COL6A6: variants seen among roughly 807,000 people sequenced by gnomAD.
COL6A6 encodes the protein collagen alpha-6(VI) chain.
Under a neutral mutation model 208.6 loss-of-function variants are expected in COL6A6, and 183 were observed. The ratio of observed to expected loss-of-function variants is 0.88; its 90% CI spans 0.78 to 0.99. COL6A6 has a LOEUF of 0.99. COL6A6 is among the 50% of genes least tolerant of loss of function. The pLI is 0.00. For missense variants in COL6A6, 2,816 were observed against 2,815.2 expected (o/e 1.00, Z -0.01); for synonymous variants, 973 against 1,011.8 (o/e 0.96, Z 0.73).
At chr3:130,667,923 T>C (rs1468577263) in intron 36 of COL6A6, among the ~76,000 whole-genome samples, 1 of 150,750 alleles carries the variant, frequency 6.6e-6, no homozygotes, top group Non-Finnish European at 1.5e-5. Context: ...AGGGCACACA[T>C]GAAAAAGAAA....
At position 130,662,127 on chromosome 3, in the gene COL6A6, A is replaced by C; in HGVS notation, c.6321A>C (p.Arg2107=). The change falls in exon 35 of 37, where the codon CGA becomes CGC. Residue 2107 remains arginine (R), a synonymous_variant. Transcript: ENST00000358511. Reference sequence around the variant, plus strand: ...AAATCTTAAAGAAGGAATCCTTGCGAGCCAAATGTCAGGGATATGCCTTAT... The same window carrying C: ...AAATCTTAAAGAAGGAATCCTTGCGCGCCAAATGTCAGGGATATGCCTTAT... ...DGEILKKESL[R]AKCQGYALFV... 6.2e-7 allele frequency: 1 copy of C among 1,614,026 alleles called. No individual in the cohort carries two copies. Among genetic ancestry groups the C allele is most frequent in the Non-Finnish European group, 8.5e-7 (1 of 1,179,892 alleles).
At chr3:130,581,953 T>C in intron 9 of COL6A6, 37 bp from the exon 10 acceptor site, 1 of 1,587,318 alleles carries the variant, frequency 6.3e-7, no homozygotes, top group Non-Finnish European at 8.6e-7. Context: ...AATGAACCCT[T>C]TTTAATTCAT....
Position 130,621,902 on chromosome 3 carries a change from A to G in COL6A6, c.4878+19A>G, listed in dbSNP as rs752136717. On this transcript the variant is annotated intron_variant, in intron 24 of 36. Transcript: ENST00000358511. ...AAATAAAGTAGGTCACATTCTTTAT[A>G]CTCACCAAAGTTGAGGTTTTCTGCT... 16 of 1,603,150 alleles carry G rather than the reference A, an allele frequency of 1.0e-5. No homozygotes were observed. Among genetic ancestry groups the G allele is most frequent in the Non-Finnish European group, 1.3e-5 (15 of 1,170,188 alleles).
chr3:130,541,716 T>C (rs2062367697), intron 1 of COL6A6, among the ~76,000 whole-genome samples: 1 of 152,192 alleles, frequency 6.6e-6, no homozygotes. Flanking sequence ...TCCCTGTGCT[T>C]TTATCTTCTG....
chr3:130,529,593 C>T (rs950077519), intron 1 of COL6A6, among the ~76,000 whole-genome samples: 5 of 152,180 alleles, frequency 3.3e-5, no homozygotes, highest in African/African-American at 1.2e-4. Context: ...GACATGCTGC[C>T]TCACCTCATT....
At chr3:130,546,302 C>T (rs139146649) in intron 1 of COL6A6, among the ~76,000 whole-genome samples, 1,673 of 151,718 alleles carry the variant, frequency 0.011, 35 homozygotes, top group African/African-American at 0.039. Context: ...ATGAGTGTTA[C>T]AGCTCTTAAG....
intron 8 of COL6A6, among the ~76,000 whole-genome samples, chr3:130,576,631 A>T (rs963622141): frequency 6.6e-6 from 1 of 150,700 alleles, no homozygotes; most frequent in Admixed American, 6.7e-5. Flanking sequence ...AACTCCAAGT[A>T]AGTAATGAGT....
intron 36 of COL6A6, among the ~76,000 whole-genome samples, chr3:130,668,250 G>A (rs971699279): frequency 6.6e-6 from 1 of 152,126 alleles, no homozygotes; most frequent in African/African-American, 2.4e-5. Context: ...GCCGAGGCAG[G>A]TGGATCACCT....
At chr3:130,668,010 T>A (rs541776107) in intron 36 of COL6A6, among the ~76,000 whole-genome samples, 3 of 149,806 alleles carry the variant, frequency 2.0e-5, no homozygotes, top group Non-Finnish European at 1.5e-5. Context: ...AATTATTTTT[T>A]AAAAATAAAA....
intron 1 of COL6A6, among the ~76,000 whole-genome samples, chr3:130,541,038 G>C (rs1013634821): frequency 4.6e-5 from 7 of 152,002 alleles, no homozygotes; most frequent in African/African-American, 1.7e-4. Flanking sequence ...GGGATTGCTG[G>C]GTCAAATGGT....
chr3:130,667,275 C>T (rs1012248171), intron 36 of COL6A6, among the ~76,000 whole-genome samples: 3 of 152,184 alleles, frequency 2.0e-5, no homozygotes, highest in African/African-American at 4.8e-5. Context: ...TTCACTCTGT[C>T]GCCCAGGCTG....
At chr3:130,569,275 A>G (rs544158124) in intron 6 of COL6A6, among the ~76,000 whole-genome samples, 5 of 152,352 alleles carry the variant, frequency 3.3e-5, no homozygotes, top group Non-Finnish European at 5.9e-5. Context: ...ATTAAATTTT[A>G]TAAAGCAGGA....
At position 130,517,300 on chromosome 3, in the gene COL6A6, C is replaced by G. The variant is rs992044466; in HGVS notation, c.-129C>G. Among the ~76,000 whole-genome samples the G allele has an allele frequency of 2.0e-5, 3 of 152,226 alleles. No homozygotes were observed. The highest frequency in any genetic ancestry group is 7.2e-5 in the African/African-American group (3 of 41,464). The stretch of plus-strand genomic sequence containing the variant: ...CGCAGGCGGCACCAAACTCTGCGCT[C>G]CCCGCGGTGCGCCCTGCCCGCGCAG... On this transcript the variant is annotated 5_prime_UTR_variant, in exon 1 of 37. Coordinates refer to ENST00000358511, the MANE Select transcript of COL6A6 (RefSeq NM_001102608.3).
chr3:130,622,998 A>G (rs2064782133), intron 24 of COL6A6, among the ~76,000 whole-genome samples: 1 of 152,132 alleles, frequency 6.6e-6, no homozygotes, highest in Admixed American at 6.5e-5. Context: ...AAGAGGAGGT[A>G]TCTAGGCATG....
At position 130,581,913 on chromosome 3, in the gene COL6A6, G is replaced by A. The variant is rs574286421; in HGVS notation, c.3891+9G>A. 6.2e-7 allele frequency: 1 copy of A among 1,600,062 alleles called. No homozygotes were observed. The highest frequency in any genetic ancestry group is 1.1e-5 in the South Asian group (1 of 89,626). ...CAGCTGCTCGAGGAAAGGTAACATG[G>A]ATTTATCTTATTTGTTGGTCTATGA... On this transcript the variant is annotated intron_variant, in intron 9 of 36. Transcript: ENST00000358511.
intron 1 of COL6A6, among the ~76,000 whole-genome samples, chr3:130,548,171 G>A (rs1282828826): frequency 6.6e-6 from 1 of 152,204 alleles, no homozygotes; most frequent in African/African-American, 2.4e-5. Flanking sequence ...TGTTTGCTAT[G>A]TCTTCTCAAA....
At chr3:130,666,996 G>GT (rs2066091329) in intron 36 of COL6A6, among the ~76,000 whole-genome samples, 1 of 152,150 alleles carries the variant, frequency 6.6e-6, no homozygotes, top group Non-Finnish European at 1.5e-5. Context: ...TTTATCAATT[G>GT]TAACAGTGGA....
At chr3:130,523,802 A>C (rs1442473891) in intron 1 of COL6A6, among the ~76,000 whole-genome samples, 1 of 152,158 alleles carries the variant, frequency 6.6e-6, no homozygotes, top group African/African-American at 2.4e-5. Flanking sequence ...ACCTTTCAAG[A>C]GGTGTGTTTT....
chr3:130,542,270 GT>G (rs1229834956), intron 1 of COL6A6, among the ~76,000 whole-genome samples: 1 of 149,512 alleles, frequency 6.7e-6, no homozygotes, highest in Non-Finnish European at 1.5e-5. Flanking sequence ...TTAATTTCTT[GT>G]TTTTTTCTTC....
Sources: gnomAD v4.1 joint callset for allele counts (sites outside exome capture counted in the v4.1 genomes callset) on GRCh38, gnomAD v4.1.1 for gene constraint, MANE v1.5 for transcripts, NCBI Gene and HGNC (gene_info 2026-07-23, HGNC 2026-07-21) for gene names.